Variants in EFL1 observed in about 807,000 individuals in gnomAD.
EFL1 encodes the protein elongation factor like GTPase 1, also known as elongation factor-like GTPase 1.
In EFL1, 76 loss-of-function variants were observed where a neutral mutation model predicts 126.7. That is an observed-to-expected ratio of 0.60 (90% CI 0.50 to 0.73). The LOEUF (loss-of-function observed/expected upper bound fraction) is 0.73. Among genes scored for constraint, EFL1 ranks in the 30% least tolerant of loss-of-function variants. EFL1 has a pLI of 0.00. For missense variants in EFL1, 1,128 were observed against 1,343.2 expected (o/e 0.84, Z 2.50); for synonymous variants, 410 against 448.4 (o/e 0.91, Z 1.08).
intron 19 of EFL1, among the ~76,000 whole-genome samples, chr15:82,135,070 A>G (rs1021796254): frequency 5.3e-5 from 8 of 152,212 alleles, no homozygotes; most frequent in Non-Finnish European, 1.0e-4. Context: ...ACATTTAATT[A>G]TAATGTAGTT....
At chr15:82,178,201 G>T (rs1013739562) in intron 15 of EFL1, among the ~76,000 whole-genome samples, 1 of 152,200 alleles carries the variant, frequency 6.6e-6, no homozygotes, top group Non-Finnish European at 1.5e-5. Context: ...GCTTTCACAA[G>T]ACAGACTAAT....
chr15:82,135,660 T>C (rs1052239359), intron 19 of EFL1, among the ~76,000 whole-genome samples: 5 of 152,206 alleles, frequency 3.3e-5, no homozygotes, highest in Admixed American at 1.3e-4. Context: ...CAATAGGCCA[T>C]AGATCTAAAG....
intron 14 of EFL1, chr15:82,215,607 G>A (rs1361489340): frequency 6.6e-6 from 1 of 152,084 alleles, no homozygotes; most frequent in African/African-American, 2.4e-5. Context: ...TATCCAGAAG[G>A]CATTTCAATT....
chr15:82,154,984 A>G (rs2141232284), intron 17 of EFL1, among the ~76,000 whole-genome samples: 1 of 152,226 alleles, frequency 6.6e-6, no homozygotes, highest in Middle Eastern at 3.4e-3. Flanking sequence ...CTGGTGCACT[A>G]TGTTTTGAAC....
intron 15 of EFL1, among the ~76,000 whole-genome samples, chr15:82,190,924 T>C (rs2141270985): frequency 6.6e-6 from 1 of 152,002 alleles, no homozygotes. Flanking sequence ...AAGTACAGCC[T>C]CAACAATGCC....
At chr15:82,233,554 AAATC>A in intron 7 of EFL1, 1 of 152,328 alleles carries the variant, frequency 6.6e-6, no homozygotes. Flanking sequence ...AAAGACAAGT[AAATC>A]TATTACAAAG....
At chr15:82,176,148 T>C (rs371157516) in intron 15 of EFL1, among the ~76,000 whole-genome samples, 50 of 152,176 alleles carry the variant, frequency 3.3e-4, no homozygotes, top group African/African-American at 1.2e-3. Context: ...AAAAAAATAA[T>C]TGACATTGAC....
intron 2 of EFL1, among the ~76,000 whole-genome samples, chr15:82,260,253 T>C (rs2075101696): frequency 6.6e-6 from 1 of 152,212 alleles, no homozygotes; most frequent in South Asian, 2.1e-4. Flanking sequence ...AAAACCCTTT[T>C]ATCAGCCTTC....
At chr15:82,203,325 G>A (rs1409318403) in intron 15 of EFL1, among the ~76,000 whole-genome samples, 1 of 151,862 alleles carries the variant, frequency 6.6e-6, no homozygotes, top group Non-Finnish European at 1.5e-5. Flanking sequence ...ATTTTTTATT[G>A]CATATATATC....
intron 2 of EFL1, 81 bp from the exon 3 acceptor site, chr15:82,259,236 G>A (rs1287007261): frequency 8.6e-6 from 11 of 1,273,546 alleles, no homozygotes; most frequent in Non-Finnish European, 1.2e-5. Flanking sequence ...TTAAAATCTG[G>A]TCATAAGAAT....
chr15:82,225,241 C>T lies in EFL1; in HGVS notation c.1216G>A (p.Asp406Asn). The T allele has an allele frequency of 1.2e-6, 2 of 1,610,306 alleles. No individual in the cohort carries two copies. Among genetic ancestry groups the T allele is most frequent in the Non-Finnish European group, 1.7e-6 (2 of 1,178,776 alleles). Residue 406 changes from aspartate (D) to asparagine (N), a missense_variant, in exon 12 of 20, where the codon GAC becomes AAC. This residue lies in a region of EFL1 where 316 missense variants were observed against 318.5 expected (regional missense o/e 0.99). Transcript: ENST00000268206. Reference sequence around the variant, plus strand: ...ACAAATATAATAACTGGAGCAGTGTCCTCACTTCCACATTTCATAAAAGCT... The same window carrying T: ...ACAAATATAATAACTGGAGCAGTGTTCTCACTTCCACATTTCATAAAAGCT... ...KAAFMKCGSE[D>N]TAPVIIFVSK...
intron 15 of EFL1, among the ~76,000 whole-genome samples, chr15:82,196,407 G>A (rs2074408666): frequency 1.3e-5 from 2 of 152,170 alleles, no homozygotes; most frequent in Admixed American, 6.5e-5. Flanking sequence ...TATATGCAGA[G>A]TATCAAAAAT....
chr15:82,173,955 C>T (rs1372616628), intron 15 of EFL1, among the ~76,000 whole-genome samples: 1 of 151,876 alleles, frequency 6.6e-6, no homozygotes, highest in African/African-American at 2.4e-5. Context: ...TTTGGGAGGC[C>T]GAAGCAGGCG....
chr15:82,166,267 T>C lies in EFL1; in HGVS notation c.1751-2283A>G, dbSNP rs1317123887. Among the ~76,000 whole-genome samples, 7 of 152,240 alleles carry C rather than the reference T, an allele frequency of 4.6e-5. No homozygotes were observed. The South Asian group carries it at 8.3e-4, about 18-fold the overall frequency. The stretch of plus-strand genomic sequence containing the variant: ...GATGGTCAGTATATTTTAAACACTG[T>C]CTCTTTGAACTTCTGGTTTACATTT... On this transcript the variant is annotated intron_variant, in intron 15 of 19. Coordinates refer to ENST00000268206, the MANE Select transcript of EFL1 (RefSeq NM_024580.6).
chr15:82,165,279 GAA>G (rs2074067215), intron 15 of EFL1, among the ~76,000 whole-genome samples: 1 of 152,068 alleles, frequency 6.6e-6, no homozygotes, highest in African/African-American at 2.4e-5. Context: ...GAGAGAGAGT[GAA>G]AGAGAGAGAG....
intron 19 of EFL1, among the ~76,000 whole-genome samples, chr15:82,131,625 TAC>T (rs1341828099): frequency 2.6e-5 from 4 of 150,962 alleles, no homozygotes; most frequent in Non-Finnish European, 1.5e-5. Context: ...ACCCTGTCTC[TAC>T]TAAAAATACA....
chr15:82,191,259 T>C (rs974233544), intron 15 of EFL1, among the ~76,000 whole-genome samples: 1 of 152,164 alleles, frequency 6.6e-6, no homozygotes, highest in Non-Finnish European at 1.5e-5. Flanking sequence ...TACTAATTTC[T>C]AAAAAGGTTA....
At chr15:82,207,967 TG>T (rs1261142960) in intron 15 of EFL1, among the ~76,000 whole-genome samples, 2 of 152,152 alleles carry the variant, frequency 1.3e-5, no homozygotes, top group African/African-American at 2.4e-5. Flanking sequence ...GTGATCTGCC[TG>T]CCTCGGCCTC....
intron 15 of EFL1, among the ~76,000 whole-genome samples, chr15:82,211,168 A>G (rs2074580141): frequency 6.6e-6 from 1 of 151,922 alleles, no homozygotes; most frequent in Admixed American, 6.6e-5. Context: ...CTGGAATCCC[A>G]GCATTTATTA....
Sources: allele counts gnomAD v4.1 joint callset (sites outside exome capture counted in the v4.1 genomes callset), GRCh38; gene constraint gnomAD v4.1.1; regional missense constraint gnomAD v4.1.1; transcripts MANE v1.5; gene names NCBI Gene and HGNC (gene_info 2026-07-23, HGNC 2026-07-21).